The following SLC25A40 variants were observed in gnomAD, a reference collection of about 807,000 sequenced individuals.
SLC25A40 encodes the protein mitochondrial glutathione transporter SLC25A40.
A neutral mutation model predicts 46.5 loss-of-function variants in SLC25A40; 41 were observed. The ratio of observed to expected loss-of-function variants is 0.88; its 90% CI spans 0.69 to 1.14. SLC25A40 has a LOEUF of 1.14. Ranked by LOEUF, SLC25A40 falls within the 50% of genes most tolerant of loss-of-function variation. SLC25A40 has a pLI of 0.00. For synonymous variants in SLC25A40, 126 were observed against 127.5 expected (o/e 0.99, Z 0.08); for missense variants, 386 against 393.6 (o/e 0.98, Z 0.16).
intron 10 of SLC25A40, among the ~76,000 whole-genome samples, chr7:87,840,707 C>A (rs1838318792): frequency 6.6e-6 from 1 of 151,650 alleles, no homozygotes; most frequent in Non-Finnish European, 1.5e-5. Context: ...AGTGGGAGAA[C>A]CCTAATATAA....
chr7:87,837,220 C>T (rs1838269759), intron 10 of SLC25A40: 1 of 150,404 alleles, frequency 6.6e-6, no homozygotes, highest in African/African-American at 2.4e-5. Context: ...AGTTCAAGAC[C>T]AGCCTGGTCT....
At chr7:87,844,061 CA>C (rs1040542340) in intron 8 of SLC25A40, 198 bp from the exon 9 acceptor site, 38 of 889,872 alleles carry the variant, frequency 4.3e-5, no homozygotes, top group South Asian at 1.0e-4. Context: ...GTCCTATAAA[CA>C]AAAAAAACTA....
At chr7:87,863,201 T>C (rs756462999) in intron 1 of SLC25A40, among the ~76,000 whole-genome samples, 1 of 152,158 alleles carries the variant, frequency 6.6e-6, no homozygotes, top group Non-Finnish European at 1.5e-5. Context: ...TACTTAGGAA[T>C]GCATGATATG....
Position 87,858,621 on chromosome 7 carries a change from A to G in SLC25A40, c.97+10T>C, listed in dbSNP as rs749202560. 3 of 1,463,874 alleles carry G rather than the reference A, an allele frequency of 2.0e-6. No homozygotes were observed. The allele number at this position is 1,463,874 out of a possible 1,614,324, so 90.7% of individuals were successfully genotyped here. ...AAGTTACATAATCTACATCAGTAAC[A>G]TAATTTTACCTATTACTGATGTCAG... On this transcript the variant is annotated intron_variant, in intron 3 of 11. Transcript: ENST00000341119.
At chr7:87,862,463 T>C (rs1454909042) in intron 1 of SLC25A40, among the ~76,000 whole-genome samples, 1 of 152,202 alleles carries the variant, frequency 6.6e-6, no homozygotes, top group Non-Finnish European at 1.5e-5. Flanking sequence ...GAAAAACCCA[T>C]GAGCCCTTCT....
chr7:87,849,321 TAGA>T (rs2131004037), intron 6 of SLC25A40, among the ~76,000 whole-genome samples: 1 of 152,242 alleles, frequency 6.6e-6, no homozygotes, highest in South Asian at 2.1e-4. Context: ...TATTCCCCAT[TAGA>T]AGGTTTTTTG....
intron 1 of SLC25A40, among the ~76,000 whole-genome samples, chr7:87,870,005 C>T (rs765617449): frequency 2.2e-4 from 33 of 151,962 alleles, no homozygotes; most frequent in Non-Finnish European, 1.2e-4. Flanking sequence ...ATATATGAAT[C>T]GTGAAATCTC....
At chr7:87,837,765 A>G (rs1838277172) in intron 10 of SLC25A40, among the ~76,000 whole-genome samples, 1 of 151,256 alleles carries the variant, frequency 6.6e-6, no homozygotes, top group Non-Finnish European at 1.5e-5. Context: ...ACAACATGAC[A>G]GCTAACAGGA....
intron 1 of SLC25A40, among the ~76,000 whole-genome samples, chr7:87,874,147 TACTA>T (rs1212103874): frequency 3.3e-5 from 5 of 152,234 alleles, no homozygotes; most frequent in Admixed American, 6.5e-5. Flanking sequence ...ATTAGAAAAT[TACTA>T]ACTATTGCAT....
intron 10 of SLC25A40, among the ~76,000 whole-genome samples, chr7:87,838,827 T>C (rs938490968): frequency 6.6e-6 from 1 of 151,688 alleles, no homozygotes; most frequent in Non-Finnish European, 1.5e-5. Flanking sequence ...ACTGCACACT[T>C]ACTTCTGCAA....
At chr7:87,841,138 T>C (rs1172791083) in intron 10 of SLC25A40, among the ~76,000 whole-genome samples, 2 of 146,524 alleles carry the variant, frequency 1.4e-5, no homozygotes, top group African/African-American at 2.5e-5. Flanking sequence ...ACAAAATGTG[T>C]GTGTGTGTGT....
chr7:87,861,523 A>T (rs1838699073), intron 1 of SLC25A40, among the ~76,000 whole-genome samples: 1 of 152,224 alleles, frequency 6.6e-6, no homozygotes, highest in African/African-American at 2.4e-5. Flanking sequence ...TGGTAAACCT[A>T]TGTAAACATA....
chr7:87,872,509 C>A (rs1437536217), intron 1 of SLC25A40, among the ~76,000 whole-genome samples: 2 of 152,186 alleles, frequency 1.3e-5, no homozygotes, highest in African/African-American at 2.4e-5. Flanking sequence ...CCTTTGACAA[C>A]ATCCCACACC....
chr7:87,869,400 C>T (rs1010378765), intron 1 of SLC25A40, among the ~76,000 whole-genome samples: 2 of 152,010 alleles, frequency 1.3e-5, no homozygotes, highest in East Asian at 1.9e-4. Context: ...TAGTGGTGTG[C>T]ACCTCTAGTC....
rs1838246036 is a variant in SLC25A40, at chr7:87,835,546, AACTCCCTCTCTTACAGGAAT to A, written c.*683_*702del. On this transcript the variant is annotated 3_prime_UTR_variant, in exon 12 of 12. Transcript: ENST00000341119. Reference sequence around the variant, plus strand: ...TGAACATTTGCTACTATCAGTAAAAAACTCCCTCTCTTACAGGAATGGCAGAAATATAGACATTTAGTCAT... The same window carrying A: ...TGAACATTTGCTACTATCAGTAAAAAGGCAGAAATATAGACATTTAGTCAT... 6.6e-6 allele frequency: 1 copy of A among 151,502 alleles called. No individual in the cohort carries two copies. Among genetic ancestry groups the A allele is most frequent in the South Asian group, 2.1e-4 (1 of 4,824 alleles). The allele number at this position is 151,502 out of a possible 1,614,324, so 9.4% of individuals were successfully genotyped here. A position where few individuals can be genotyped will look rare whatever the true frequency, so the allele number is the denominator to read the frequency against.
chr7:87,838,071 T>A (rs909428771), intron 10 of SLC25A40, among the ~76,000 whole-genome samples: 2 of 151,466 alleles, frequency 1.3e-5, no homozygotes, highest in African/African-American at 4.8e-5. Flanking sequence ...TATGAATAAA[T>A]GAAGACTAAG....
chr7:87,842,380 C>T (rs1435934240), intron 9 of SLC25A40: 5 of 152,424 alleles, frequency 3.3e-5, no homozygotes, highest in African/African-American at 1.2e-4. Context: ...TAATTTAATT[C>T]TTTTAGATAT....
In SLC25A40 at chr7:87,834,573, C is replaced by G. The variant is rs575258574; in HGVS notation, c.*1676G>C. On this transcript the variant is annotated 3_prime_UTR_variant, in exon 12 of 12. Coordinates refer to ENST00000341119, the MANE Select transcript of SLC25A40 (RefSeq NM_018843.4). ...CAGTGAGGGGTAGGAGACATGGAAA[C>G]CTTTCTCATACTTATAGGTGATATT... is the stretch of plus-strand genomic sequence containing the variant. The G allele has an allele frequency of 8.6e-5, 13 of 151,606 alleles. 1 individual carries two copies. The highest frequency in any genetic ancestry group is 3.1e-4 in the African/African-American group (13 of 41,456). The allele number at this position is 151,606 out of a possible 1,614,324, so 9.4% of individuals were successfully genotyped here.
At chr7:87,859,193 A>G (rs1369477913) in intron 2 of SLC25A40, among the ~76,000 whole-genome samples, 1 of 152,116 alleles carries the variant, frequency 6.6e-6, no homozygotes, top group Non-Finnish European at 1.5e-5. Flanking sequence ...GGTGGCTCAC[A>G]CCTGTAACCC....
Sources: allele counts gnomAD v4.1 joint callset (sites outside exome capture counted in the v4.1 genomes callset), GRCh38; gene constraint gnomAD v4.1.1; transcripts MANE v1.5; gene names NCBI Gene and HGNC (gene_info 2026-07-23, HGNC 2026-07-21).